The following DNAH8 variants were observed in gnomAD, a reference collection of about 807,000 sequenced individuals.
The protein encoded by DNAH8 is axonemal beta dynein heavy chain 8.
DNAH8 carries 382 observed loss-of-function variants against 562.1 expected under a neutral mutation model. The ratio of observed to expected loss-of-function variants is 0.68; its 90% confidence interval spans 0.63 to 0.74. The LOEUF is 0.74. Ranked by LOEUF, DNAH8 falls within the 30% of genes least tolerant of loss-of-function variation. The pLI is 0.00. For missense variants in DNAH8, 5,203 were observed against 5,620.4 expected (o/e 0.93, Z 2.37); for synonymous variants, 1,881 against 1,919.4 (o/e 0.98, Z 0.52).
In DNAH8 at chr6:38,848,620, T is replaced by C. The variant is rs1243661134; in HGVS notation, c.5046-28T>C. The stretch of plus-strand genomic sequence containing the variant: ...ACTATTTTCTGAATCTTCTTTGAAA[T>C]GTGATTTTTTCCGTTCTTACCTTTT... On this transcript the variant is annotated intron_variant, in intron 36 of 92. Coordinates refer to ENST00000327475, the MANE Select transcript of DNAH8 (RefSeq NM_001206927.2). 5.1e-6 allele frequency: 8 copies of C among 1,566,616 alleles called. No individual in the cohort carries two copies. The African/African-American group carries it at 8.2e-5, about 16-fold the overall frequency.
At chr6:38,941,359 T>G (rs929907093) in intron 79 of DNAH8, among the ~76,000 whole-genome samples, 1 of 152,230 alleles carries the variant, frequency 6.6e-6, no homozygotes, top group Non-Finnish European at 1.5e-5. Context: ...AATTCCTTCC[T>G]CAGATTCAGG....
intron 87 of DNAH8, among the ~76,000 whole-genome samples, chr6:38,984,655 G>A (rs1764261422): frequency 6.6e-6 from 1 of 152,152 alleles, no homozygotes; most frequent in Non-Finnish European, 1.5e-5. Flanking sequence ...GCCGGGCGTG[G>A]TGGTGAGTTC....
chr6:38,932,035 A>G (rs375515199), intron 76 of DNAH8, 42 bp downstream of exon 76: 5 of 1,350,006 alleles, frequency 3.7e-6, no homozygotes, highest in African/African-American at 1.5e-5. Context: ...CTTATAATAC[A>G]TGCTTAAAAT....
chr6:38,828,409 A>G (rs565810006), intron 30 of DNAH8, 121 bp downstream of exon 30: 2 of 566,086 alleles, frequency 3.5e-6, no homozygotes, highest in East Asian at 3.1e-5. Flanking sequence ...GTTTCAGTCA[A>G]CAACAGACTG....
chr6:38,762,809 G>A (rs1204914707), intron 11 of DNAH8: 1 of 179,140 alleles, frequency 5.6e-6, no homozygotes, highest in Non-Finnish European at 1.1e-5. Context: ...CTCCACCCAG[G>A]ATGGGAACCA....
At position 38,890,756 on chromosome 6, in the gene DNAH8, A is replaced by T; in HGVS notation, c.8578A>T (p.Thr2860Ser). ...VSVGRVLWQW[T>S]KVKMLPTPSK... The stretch of plus-strand genomic sequence containing the variant: ...AGTGGGTAGAGTGCTGTGGCAATGG[A>T]CTAAGGTACAGAATGGTTTGTCAAT... Residue 2860 changes from threonine (T) to serine (S), a missense_variant, in exon 58 of 93, where the codon ACT (threonine) becomes TCT (serine). Around this residue, in one of 6 missense-constraint regions of DNAH8, gnomAD observed 977 missense variants for 1,061.8 expected, o/e 0.92. Transcript: ENST00000327475. 1 of 1,605,074 alleles carries T rather than the reference A, an allele frequency of 6.2e-7. No homozygotes were observed. The highest frequency in any genetic ancestry group is 8.5e-7 in the Non-Finnish European group (1 of 1,171,738).
rs777059593 is a variant in DNAH8 at position 38,908,108 on chromosome 6, C to A, written c.9501C>A (p.Leu3167=). ...SRSRKNLHVV[L]CFSPVGEKFR... is the part of the protein sequence containing the mutation. ...CAAGGAAGAACTTACATGTTGTTCT[C>A]TGCTTTTCTCCAGTAAGTTTTTATT... The change falls in exon 64 of 93, where the codon CTC becomes CTA. Residue 3167 remains leucine, a synonymous_variant. Coordinates refer to ENST00000327475, the MANE Select transcript of DNAH8 (RefSeq NM_001206927.2). 6.4e-7 allele frequency: 1 copy of A among 1,566,986 alleles called. No homozygotes were observed.
At chr6:38,920,966 C>G (rs1308761207) in intron 70 of DNAH8, among the ~76,000 whole-genome samples, 1 of 152,196 alleles carries the variant, frequency 6.6e-6, no homozygotes, top group East Asian at 1.9e-4. Context: ...TCACAGCTCA[C>G]TGCAGCCTCG....
At chr6:38,866,948 A>T in intron 47 of DNAH8, 72 bp downstream of exon 47, 1 of 811,136 alleles carries the variant, frequency 1.2e-6, no homozygotes, top group Non-Finnish European at 2.0e-6. Context: ...TCCCTTGATA[A>T]ATACTCATCA....
At chr6:38,720,817 G>C (rs6927882) in intron 1 of DNAH8, among the ~76,000 whole-genome samples, 71,995 of 151,804 alleles carry the variant, frequency 0.47, 17,830 homozygotes, top group Non-Finnish European at 0.55. Context: ...AAATAGCACT[G>C]AGGAAGCTCA....
chr6:38,938,427 C>T (rs998006931), intron 78 of DNAH8, among the ~76,000 whole-genome samples: 2 of 152,154 alleles, frequency 1.3e-5, no homozygotes, highest in South Asian at 2.1e-4. Context: ...AGAATGAACT[C>T]ATGTCCTTTG....
At chr6:38,964,608 G>C (rs186007903) in intron 82 of DNAH8, among the ~76,000 whole-genome samples, 54 of 151,558 alleles carry the variant, frequency 3.6e-4, no homozygotes, top group Admixed American at 1.5e-3. Context: ...TTATAATACT[G>C]AAAAATCAAA....
In DNAH8 at chr6:38,872,828, T is replaced by G. The variant is rs774372589; in HGVS notation, c.7237+46T>G. On this transcript the variant is annotated intron_variant, in intron 50 of 92. Coordinates refer to ENST00000327475, the MANE Select transcript of DNAH8 (RefSeq NM_001206927.2). Reference sequence around the variant, plus strand: ...TGATCATTTTTTCCCTGCTAGCGTATTAACACAGTATTTTTTTGATTTTTC... The same window carrying G: ...TGATCATTTTTTCCCTGCTAGCGTAGTAACACAGTATTTTTTTGATTTTTC... 5.6e-6 allele frequency: 9 copies of G among 1,609,490 alleles called. No homozygotes were observed. The South Asian group carries it at 7.8e-5, about 14-fold the overall frequency.
Position 38,737,276 on chromosome 6 carries a change from T to C in DNAH8, c.952+20T>C. On this transcript the variant is annotated intron_variant, in intron 6 of 92. Coordinates refer to ENST00000327475, the MANE Select transcript of DNAH8 (RefSeq NM_001206927.2). ...TAGATGGTAAGTATAAAATTTAATGTTTAGCAAATTGCAAAAAAGAAGCAA... is the reference window on the plus strand; with the variant it reads ...TAGATGGTAAGTATAAAATTTAATGCTTAGCAAATTGCAAAAAAGAAGCAA... 1 of 1,363,528 alleles carries C rather than the reference T, an allele frequency of 7.3e-7. No homozygotes were observed. The highest frequency in any genetic ancestry group is 2.7e-5 in the East Asian group (1 of 37,366). The allele number at this position is 1,363,528 out of a possible 1,614,324, so 84.5% of individuals were successfully genotyped here.
chr6:38,915,920 A>G (rs1781282261), intron 68 of DNAH8, among the ~76,000 whole-genome samples: 1 of 152,190 alleles, frequency 6.6e-6, no homozygotes, highest in African/African-American at 2.4e-5. Flanking sequence ...ACACACATAT[A>G]TACACACGTG....
intron 45 of DNAH8, among the ~76,000 whole-genome samples, chr6:38,865,359 A>C (rs538578690): frequency 6.6e-6 from 1 of 152,358 alleles, no homozygotes; most frequent in South Asian, 2.1e-4. Flanking sequence ...GAAGAAATGT[A>C]CTCAGTGTAA....
intron 9 of DNAH8, among the ~76,000 whole-genome samples, chr6:38,751,810 C>T (rs765540537): frequency 2.6e-5 from 4 of 152,090 alleles, no homozygotes; most frequent in Non-Finnish European, 4.4e-5. Context: ...TTATTGAGAA[C>T]TTAGAGCAGG....
rs199990068 is a variant in DNAH8 at position 39,020,976 on chromosome 6, CAT to C, written c.13715-5567_13715-5566del. Among the ~76,000 whole-genome samples, 233 of 152,302 alleles carry C rather than the reference CAT, an allele frequency of 1.5e-3. 8 individuals are homozygous for C. In the South Asian group the frequency reaches 0.029, roughly 19 times the overall value. ...CTATTATAAGTAGTGCTGCAATAAA[CAT>C]ATGTGTGCATGTGTCTTTATAGCAG... is the stretch of plus-strand genomic sequence containing the variant. On this transcript the variant is annotated intron_variant, in intron 91 of 92. Coordinates refer to ENST00000327475, the MANE Select transcript of DNAH8 (RefSeq NM_001206927.2).
Position 38,807,733 on chromosome 6 carries a change from C to G in DNAH8, c.3257+17C>G. 1 of 1,369,286 alleles carries G rather than the reference C, an allele frequency of 7.3e-7. No individual in the cohort carries two copies. The highest frequency in any genetic ancestry group is 9.9e-7 in the Non-Finnish European group (1 of 1,010,414). The allele number at this position is 1,369,286 out of a possible 1,614,324, so 84.8% of individuals were successfully genotyped here. A position where few individuals can be genotyped will look rare whatever the true frequency, so the allele number is the denominator to read the frequency against. On this transcript the variant is annotated intron_variant, in intron 24 of 92. Transcript: ENST00000327475. ...TGTTGCAAGGCAAGTTGAAAATATG[C>G]TAATTATGTCTGGTAATCATACTTA...
Sources: gnomAD v4.1 joint callset for allele counts (sites outside exome capture counted in the v4.1 genomes callset) on GRCh38, gnomAD v4.1.1 for gene constraint, gnomAD v4.1.1 regional missense constraint, MANE v1.5 for transcripts, NCBI Gene and HGNC (gene_info 2026-07-23, HGNC 2026-07-21) for gene names.